Variants in MCM5 observed in about 807,000 individuals in gnomAD.
The protein encoded by MCM5 is DNA replication licensing factor MCM5.
In MCM5, 46 loss-of-function variants were observed where a neutral mutation model predicts 79.9. The ratio of observed to expected loss-of-function variants is 0.58; its 90% confidence interval spans 0.45 to 0.74. The LOEUF is 0.74. MCM5 is among the 30% of genes least tolerant of loss of function. The pLI, the probability that MCM5 is intolerant of heterozygous loss-of-function variation, is 0.00. For missense variants in MCM5, 883 were observed against 1,017.0 expected (o/e 0.87, Z 1.79); for synonymous variants, 404 against 390.5 (o/e 1.03, Z -0.41).
chr22:35,401,770 AC>A, intron 2 of MCM5: 1 of 462,106 alleles, frequency 2.2e-6, no homozygotes. Flanking sequence ...AGTCGTGAAG[AC>A]CAACAGATAA....
chr22:35,413,301 C>T (rs1932442271), intron 8 of MCM5, among the ~76,000 whole-genome samples: 1 of 152,214 alleles, frequency 6.6e-6, no homozygotes. Flanking sequence ...GCCTCGGCCT[C>T]CCAAAGTGCT....
At chr22:35,440,893 A>C in the MCM5 span, among the ~76,000 whole-genome samples, 1 of 152,280 alleles carries the variant, frequency 6.6e-6, no homozygotes, top group Non-Finnish European at 1.5e-5. Context: ...CCCCGTCTTT[A>C]CTAAAAAAAC....
At chr22:35,447,630 G>T in the MCM5 span, among the ~76,000 whole-genome samples, 1 of 152,076 alleles carries the variant, frequency 6.6e-6, no homozygotes. Context: ...ACATCACCAT[G>T]CCCGTAATCT....
chr22:35,416,887 A>G, intron 12 of MCM5, 73 bp downstream of exon 12: 1 of 1,520,924 alleles, frequency 6.6e-7, no homozygotes, highest in Non-Finnish European at 9.0e-7. Context: ...GGGAAGGAGA[A>G]TGGAGAACAA....
chr22:35,450,451 A>G, the MCM5 span, among the ~76,000 whole-genome samples: 9 of 151,982 alleles, frequency 5.9e-5, no homozygotes, highest in Non-Finnish European at 1.3e-4. Context: ...CCCTCCTGGG[A>G]CAGACTCCAG....
the MCM5 span, among the ~76,000 whole-genome samples, chr22:35,439,196 AATTCATCCATCC>A: frequency 2.0e-5 from 2 of 99,978 alleles, no homozygotes; most frequent in East Asian, 3.0e-4. Context: ...TCCACCCACA[AATTCATCCATCC>A]ATTCATCCAT....
chr22:35,438,504 C>CATCCATCCATCCATCCATCT, the MCM5 span, among the ~76,000 whole-genome samples: 1 of 149,254 alleles, frequency 6.7e-6, no homozygotes, highest in Non-Finnish European at 1.5e-5. Context: ...TCCATCCATC[C>CATCCATCCATCCATCCATCT]ATCCATCTAT....
At chr22:35,443,778 G>A in the MCM5 span, among the ~76,000 whole-genome samples, 1 of 152,304 alleles carries the variant, frequency 6.6e-6, no homozygotes, top group Non-Finnish European at 1.5e-5. Context: ...GCACTTGTTT[G>A]TGGCTCTGCC....
At chr22:35,427,703 C>A (rs80251292), downstream of MCM5, among the ~76,000 whole-genome samples, 4,982 of 151,958 alleles carry the variant, frequency 0.033, 89 homozygotes, top group Non-Finnish European at 0.041. Flanking sequence ...CCTAGCCCCC[C>A]ACCCCCCACA....
chr22:35,410,934 C>T (rs1932366302), intron 7 of MCM5, 24 bp downstream of exon 7: 1 of 1,559,950 alleles, frequency 6.4e-7, no homozygotes, highest in Non-Finnish European at 8.7e-7. Context: ...GGGGTCCTGG[C>T]TTAGCCCTGC....
the MCM5 span, among the ~76,000 whole-genome samples, chr22:35,447,493 G>A: frequency 0.79 from 120,280 of 151,880 alleles, 48,216 homozygotes; most frequent in African/African-American, 0.88. Context: ...TTATTTTTGA[G>A]ACAGAGTCGT....
At chr22:35,418,764 A>G (rs1355544462) in intron 13 of MCM5, among the ~76,000 whole-genome samples, 1 of 152,006 alleles carries the variant, frequency 6.6e-6, no homozygotes, top group East Asian at 1.9e-4. Flanking sequence ...ACTATTCAGT[A>G]TTTTCTATAT....
chr22:35,437,538 T>A, the MCM5 span, among the ~76,000 whole-genome samples: 1 of 152,236 alleles, frequency 6.6e-6, no homozygotes, highest in African/African-American at 2.4e-5. Flanking sequence ...TGAAGGCAGT[T>A]CTGCTTTGTG....
intron 2 of MCM5, chr22:35,401,817 G>T: frequency 2.4e-6 from 1 of 419,042 alleles, no homozygotes; most frequent in South Asian, 1.7e-5. Flanking sequence ...AGAGGAAGGT[G>T]AAAGGACTTA....
intron 13 of MCM5, among the ~76,000 whole-genome samples, chr22:35,419,261 A>G (rs558048275): frequency 6.6e-6 from 1 of 151,944 alleles, no homozygotes; most frequent in African/African-American, 2.4e-5. Flanking sequence ...CAGTCTCCAC[A>G]TCCTTAGGAT....
At chr22:35,409,606 G>C (rs1165452194) in intron 6 of MCM5, 4 of 152,208 alleles carry the variant, frequency 2.6e-5, no homozygotes, top group African/African-American at 9.7e-5. Flanking sequence ...CTACTGAGGG[G>C]GAGAGGGTAC....
At chr22:35,416,509 ATCTGTGTGTGTG>A (rs1932544524) in intron 11 of MCM5, 105 bp downstream of exon 11, 1 of 1,028,666 alleles carries the variant, frequency 9.7e-7, no homozygotes, top group Non-Finnish European at 1.4e-6. Context: ...CAGGCCTAGA[ATCTGTGTGTGTG>A]TGTGTGTGTG....
chr22:35,430,566 G>A, the MCM5 span, among the ~76,000 whole-genome samples: 3 of 150,108 alleles, frequency 2.0e-5, no homozygotes, highest in African/African-American at 2.5e-5. Context: ...GCAGTGGTGC[G>A]ACCTCAGCTC....
chr22:35,420,778 C>G (rs945949025), intron 14 of MCM5, among the ~76,000 whole-genome samples: 4 of 152,164 alleles, frequency 2.6e-5, no homozygotes, highest in African/African-American at 9.7e-5. Context: ...CAAATACAAC[C>G]TGGTACAAAA....
Sources: allele counts gnomAD v4.1 joint callset (sites outside exome capture counted in the v4.1 genomes callset), GRCh38; gene constraint gnomAD v4.1.1; transcripts MANE v1.5; gene names NCBI Gene and HGNC (gene_info 2026-07-23, HGNC 2026-07-21).